Variants in FSHR observed in about 807,000 individuals in gnomAD.
FSHR encodes the protein follicle-stimulating hormone receptor.
Under a neutral mutation model 52.1 loss-of-function variants are expected in FSHR, and 46 were observed. That is an observed-to-expected ratio of 0.88 (90% CI 0.70 to 1.13). FSHR has a LOEUF of 1.13. FSHR is among the 50% of genes most tolerant of loss of function. The probability of loss-of-function intolerance (pLI) is 0.00; values close to 1 mark genes in which losing one functional copy is unlikely to be tolerated. For missense variants in FSHR, 964 were observed against 834.6 expected (o/e 1.16, Z -1.91); for synonymous variants, 399 against 309.6 (o/e 1.29, Z -3.03).
At chr2:48,968,672 G>A (rs1468721795) in intron 9 of FSHR, 26 bp downstream of exon 9, 2 of 1,612,668 alleles carry the variant, frequency 1.2e-6, no homozygotes, top group Non-Finnish European at 8.5e-7. Flanking sequence ...GGAAATGCCT[G>A]AGCAGGGCTT....
intron 2 of FSHR, among the ~76,000 whole-genome samples, chr2:49,023,733 C>G (rs1667822735): frequency 1.3e-5 from 2 of 152,208 alleles, no homozygotes; most frequent in South Asian, 4.2e-4. Context: ...GGACGGGTGA[C>G]TATAAGGGTT....
chr2:49,085,283 C>G (rs938880616), intron 1 of FSHR, among the ~76,000 whole-genome samples: 19 of 152,214 alleles, frequency 1.2e-4, no homozygotes, highest in African/African-American at 4.3e-4. Flanking sequence ...AGGCCTTTGA[C>G]AAAATTCAAC....
intron 2 of FSHR, among the ~76,000 whole-genome samples, chr2:49,033,725 GA>G (rs1265722650): frequency 2.0e-5 from 3 of 151,802 alleles, no homozygotes; most frequent in Admixed American, 6.6e-5. Context: ...TCTGCTGTAA[GA>G]AAAAAAATCA....
intron 1 of FSHR, among the ~76,000 whole-genome samples, chr2:49,130,210 G>A (rs1672214311): frequency 2.0e-5 from 3 of 152,166 alleles, no homozygotes; most frequent in Admixed American, 2.0e-4. Flanking sequence ...GAATAAATAA[G>A]GTAGTACAAG....
chr2:48,965,652 G>T (rs1674442938), intron 9 of FSHR, among the ~76,000 whole-genome samples: 1 of 152,178 alleles, frequency 6.6e-6, no homozygotes, highest in African/African-American at 2.4e-5. Flanking sequence ...ACTGAGCTCT[G>T]ACTTAACTCT....
intron 2 of FSHR, among the ~76,000 whole-genome samples, chr2:49,060,873 A>G (rs1410379083): frequency 6.6e-6 from 1 of 152,156 alleles, no homozygotes; most frequent in African/African-American, 2.4e-5. Flanking sequence ...CTGTTGCTAC[A>G]CATGGCTGTA....
At chr2:49,101,784 C>A (rs991468504) in intron 1 of FSHR, among the ~76,000 whole-genome samples, 3 of 152,150 alleles carry the variant, frequency 2.0e-5, no homozygotes, top group Non-Finnish European at 2.9e-5. Flanking sequence ...TTACTTCTTA[C>A]ATTTATGGGG....
chr2:48,976,421 C>T (rs1052057050), intron 8 of FSHR, among the ~76,000 whole-genome samples: 1 of 152,180 alleles, frequency 6.6e-6, no homozygotes, highest in African/African-American at 2.4e-5. Context: ...CATCGATGTT[C>T]ATCAGGGATA....
chr2:49,142,252 G>T (rs1672714228), intron 1 of FSHR, among the ~76,000 whole-genome samples: 2 of 152,314 alleles, frequency 1.3e-5, no homozygotes, highest in South Asian at 4.1e-4. Context: ...GTTGTAGTAA[G>T]TTTATGTGCT....
intron 2 of FSHR, among the ~76,000 whole-genome samples, chr2:49,048,887 A>C (rs1448114257): frequency 6.6e-6 from 1 of 152,198 alleles, no homozygotes; most frequent in Non-Finnish European, 1.5e-5. Flanking sequence ...GTGGACAGGC[A>C]AGAGGGTCCA....
chr2:49,081,769 T>C (rs1464122478), intron 1 of FSHR, among the ~76,000 whole-genome samples: 1 of 152,234 alleles, frequency 6.6e-6, no homozygotes, highest in African/African-American at 2.4e-5. Flanking sequence ...TTTATGATTC[T>C]CTTAAACTCT....
At chr2:49,014,153 A>T (rs1433095808) in intron 4 of FSHR, among the ~76,000 whole-genome samples, 1 of 152,164 alleles carries the variant, frequency 6.6e-6, no homozygotes, top group Non-Finnish European at 1.5e-5. Context: ...GAGCAGCCCA[A>T]ACTGACTAAG....
intron 1 of FSHR, among the ~76,000 whole-genome samples, chr2:49,113,615 G>A (rs937033598): frequency 6.6e-6 from 1 of 152,104 alleles, no homozygotes; most frequent in African/African-American, 2.4e-5. Flanking sequence ...TTTAACCCGT[G>A]AGAACAACAT....
chr2:48,984,585 TA>T (rs932965449), intron 6 of FSHR, among the ~76,000 whole-genome samples: 1 of 79,650 alleles, frequency 1.3e-5, no homozygotes, highest in African/African-American at 2.8e-5. Flanking sequence ...AATAATTGGG[TA>T]TTTTTTTTTT....
intron 2 of FSHR, among the ~76,000 whole-genome samples, chr2:49,046,151 T>C (rs933155535): frequency 5.3e-5 from 8 of 152,128 alleles, no homozygotes; most frequent in Non-Finnish European, 8.8e-5. Context: ...GTGTGGGAGA[T>C]TAATGAGCTA....
intron 2 of FSHR, among the ~76,000 whole-genome samples, chr2:49,021,840 TC>T (rs1400975172): frequency 0.012 from 256 of 21,412 alleles, no homozygotes; most frequent in Admixed American, 0.035. Flanking sequence ...TTTCTCTCTC[TC>T]TCTCTCTCTC....
chr2:49,115,551 T>C (rs1208592276), intron 1 of FSHR, among the ~76,000 whole-genome samples: 21 of 152,206 alleles, frequency 1.4e-4, no homozygotes, highest in Admixed American at 6.5e-5. Flanking sequence ...GAAAAGTTTC[T>C]CTTGGATGTG....
rs368830515 is a variant in FSHR, at chr2:49,127,892, C to CT, written c.152+26373dup. ...TCTTCTTCTTCTTCTTCTTCTTCTT[C>CT]TTCTTCTTTTTTTTTTTTGAGACGG... On this transcript the variant is annotated intron_variant, in intron 1 of 9. Coordinates refer to ENST00000406846, the MANE Select transcript of FSHR (RefSeq NM_000145.4). Among the ~76,000 whole-genome samples, 217 of 24,124 alleles carry CT rather than the reference C, an allele frequency of 9.0e-3. 8 individuals carry two copies. The highest frequency in any genetic ancestry group is 0.018 in the East Asian group (8 of 434). The allele number at this position is 24,124 out of a possible 152,430, so 15.8% of individuals were successfully genotyped here.
intron 1 of FSHR, among the ~76,000 whole-genome samples, chr2:49,074,764 G>C (rs1227030045): frequency 1.4e-5 from 2 of 146,974 alleles, no homozygotes; most frequent in Non-Finnish European, 3.0e-5. Flanking sequence ...CTAAGGTATG[G>C]AATCAACCTA....
Sources: gnomAD v4.1 joint callset for allele counts (sites outside exome capture counted in the v4.1 genomes callset) on GRCh38, gnomAD v4.1.1 for gene constraint, MANE v1.5 for transcripts, NCBI Gene and HGNC (gene_info 2026-07-23, HGNC 2026-07-21) for gene names.